The following ATP10D variants were observed in gnomAD, a reference collection of about 807,000 sequenced individuals.
ATP10D encodes the protein ATPase phospholipid transporting 10D (putative).
In ATP10D, 89 loss-of-function variants were observed where a neutral mutation model predicts 144.8. The observed-to-expected ratio is 0.61, with a 90% CI of 0.52 to 0.73. The LOEUF is 0.73. Among genes scored for constraint, ATP10D ranks in the 30% least tolerant of loss-of-function variants. ATP10D has a pLI of 0.00. For missense variants in ATP10D, 1,603 were observed against 1,714.8 expected (o/e 0.93, Z 1.15); for synonymous variants, 571 against 615.1 (o/e 0.93, Z 1.06).
At chr4:47,590,857 T>C (rs1720996349) in intron 22 of ATP10D, among the ~76,000 whole-genome samples, 185 bp from the exon 23 acceptor site, 1 of 152,148 alleles carries the variant, frequency 6.6e-6, no homozygotes, top group Admixed American at 6.6e-5. Flanking sequence ...GCTTTACAAA[T>C]ATTAATTTAT....
intron 10 of ATP10D, among the ~76,000 whole-genome samples, chr4:47,547,778 C>T (rs1401653969): frequency 1.3e-5 from 2 of 152,044 alleles, no homozygotes. Context: ...GGGAAGGCCT[C>T]GAACTTCCCA....
At chr4:47,528,655 C>T (rs907273522) in intron 5 of ATP10D, among the ~76,000 whole-genome samples, 1 of 151,842 alleles carries the variant, frequency 6.6e-6, no homozygotes, top group African/African-American at 2.4e-5. Context: ...ATTTTCTTTT[C>T]CTTTGGGTAG....
chr4:47,541,768 G>A (rs1718145681), intron 9 of ATP10D, among the ~76,000 whole-genome samples: 1 of 152,156 alleles, frequency 6.6e-6, no homozygotes, highest in Non-Finnish European at 1.5e-5. Context: ...ATTGATGCAA[G>A]TAACAGGCTA....
At position 47,572,936 on chromosome 4, in the gene ATP10D, A is replaced by G; in HGVS notation, c.3305A>G (p.His1102Arg). ...CATCTCAGCAAGCTCCTTCTTGTCCATGGACACTGGTGTTATACACGGCTT... is the reference window on the plus strand; with the variant it reads ...CATCTCAGCAAGCTCCTTCTTGTCCGTGGACACTGGTGTTATACACGGCTT... The part of the protein sequence containing the change: ...FKHLSKLLLV[H>R]GHWCYTRLSN... The change falls in exon 18 of 23, where the codon CAT (histidine) becomes CGT (arginine). Residue 1102 changes from histidine (H) to arginine (R), a missense_variant. Physicochemically the swap from His to Arg is conservative, Grantham distance 29. Transcript: ENST00000273859. 2.5e-6 allele frequency: 4 copies of G among 1,614,088 alleles called. No individual in the cohort carries two copies. Among genetic ancestry groups the G allele is most frequent in the Non-Finnish European group, 3.4e-6 (4 of 1,179,982 alleles).
At chr4:47,584,491 C>T (rs989732805) in intron 21 of ATP10D, among the ~76,000 whole-genome samples, 1 of 152,174 alleles carries the variant, frequency 6.6e-6, no homozygotes, top group African/African-American at 2.4e-5. Context: ...CTCCCAGGTT[C>T]ATGCCATTCT....
chr4:47,573,539 A>G (rs1720075016), intron 18 of ATP10D, among the ~76,000 whole-genome samples: 1 of 152,190 alleles, frequency 6.6e-6, no homozygotes, highest in African/African-American at 2.4e-5. Flanking sequence ...TTTAATGATA[A>G]AGGAACTAGA....
At chr4:47,496,064 T>C (rs1715347598) in intron 1 of ATP10D, among the ~76,000 whole-genome samples, 1 of 152,146 alleles carries the variant, frequency 6.6e-6, no homozygotes, top group African/African-American at 2.4e-5. Flanking sequence ...AGCTGTCTTA[T>C]ATTTCCATTA....
intron 15 of ATP10D, among the ~76,000 whole-genome samples, chr4:47,563,967 T>C (rs1339665432): frequency 1.3e-5 from 2 of 152,220 alleles, no homozygotes; most frequent in African/African-American, 2.4e-5. Flanking sequence ...ATATCTTGGC[T>C]CACTGCAACC....
At chr4:47,533,449 TTCTC>T (rs1243849814) in intron 5 of ATP10D, among the ~76,000 whole-genome samples, 3 of 152,218 alleles carry the variant, frequency 2.0e-5, no homozygotes, top group Non-Finnish European at 4.4e-5. Context: ...AAATCTGTCT[TTCTC>T]TTTCTTTGTA....
intron 15 of ATP10D, among the ~76,000 whole-genome samples, chr4:47,564,135 G>T (rs752074454): frequency 1.3e-5 from 2 of 152,054 alleles, no homozygotes; most frequent in African/African-American, 2.4e-5. Flanking sequence ...CAAGTGATCC[G>T]CCAGCTTTGG....
intron 15 of ATP10D, 21 bp from the exon 16 acceptor site, chr4:47,568,816 A>T (rs767281895): frequency 6.3e-7 from 1 of 1,598,002 alleles, no homozygotes; most frequent in South Asian, 1.1e-5. Flanking sequence ...GAGGCTAACC[A>T]CCTTTGCCTC....
At position 47,535,895 on chromosome 4, in the gene ATP10D, T is replaced by G. The variant is rs1717820991; in HGVS notation, c.884-7T>G. On this transcript the variant is annotated splice_polypyrimidine_tract_variant and splice_region_variant and intron_variant, in intron 6 of 22. Coordinates refer to ENST00000273859, the MANE Select transcript of ATP10D (RefSeq NM_020453.4). ...ACATTTTCTATCATACTGCACATCC[T>G]TCATAGGCCATGAAACCAAAGCAAT... 3.7e-6 allele frequency: 6 copies of G among 1,610,026 alleles called. No individual in the cohort carries two copies. The highest frequency in any genetic ancestry group is 5.1e-6 in the Non-Finnish European group (6 of 1,178,514).
chr4:47,524,607 T>C (rs1424973758), intron 4 of ATP10D, among the ~76,000 whole-genome samples: 1 of 152,206 alleles, frequency 6.6e-6, no homozygotes, highest in Non-Finnish European at 1.5e-5. Context: ...GTGCATTCAT[T>C]AAGGGTGAAT....
intron 1 of ATP10D, among the ~76,000 whole-genome samples, chr4:47,509,093 C>T (rs1716175715): frequency 6.6e-6 from 1 of 152,204 alleles, no homozygotes; most frequent in African/African-American, 2.4e-5. Flanking sequence ...GAGTGAAAGG[C>T]TCTTTCCTGA....
At chr4:47,577,232 A>C (rs553746708) in intron 19 of ATP10D, among the ~76,000 whole-genome samples, 1 of 152,360 alleles carries the variant, frequency 6.6e-6, no homozygotes, top group Admixed American at 6.5e-5. Flanking sequence ...AACATTTACT[A>C]AACCCCATTG....
chr4:47,579,765 G>A (rs1349260941), intron 19 of ATP10D, among the ~76,000 whole-genome samples: 1 of 152,260 alleles, frequency 6.6e-6, no homozygotes, highest in Non-Finnish European at 1.5e-5. Flanking sequence ...GATTGTGTTG[G>A]AAATGCAGTG....
At chr4:47,590,179 G>A (rs1720966224) in intron 22 of ATP10D, among the ~76,000 whole-genome samples, 1 of 152,106 alleles carries the variant, frequency 6.6e-6, no homozygotes, top group Admixed American at 6.6e-5. Flanking sequence ...AATTTGTAAG[G>A]AATGAACTTG....
chr4:47,507,868 G>A (rs968918199), intron 1 of ATP10D, among the ~76,000 whole-genome samples: 7 of 152,190 alleles, frequency 4.6e-5, no homozygotes, highest in Non-Finnish European at 1.0e-4. Context: ...AGCTAAAACA[G>A]TCTCAAGGAT....
At chr4:47,524,593 C>G (rs1164766278) in intron 4 of ATP10D, among the ~76,000 whole-genome samples, 2 of 152,182 alleles carry the variant, frequency 1.3e-5, no homozygotes, top group African/African-American at 2.4e-5. Context: ...CTAATCAGCA[C>G]ACTGTGCATT....
Sources: gnomAD v4.1 joint callset for allele counts (sites outside exome capture counted in the v4.1 genomes callset) on GRCh38, gnomAD v4.1.1 for gene constraint, MANE v1.5 for transcripts, NCBI Gene and HGNC (gene_info 2026-07-23, HGNC 2026-07-21) for gene names.